The following NAAA variants were observed in gnomAD, a reference collection of about 807,000 sequenced individuals.
The protein encoded by NAAA is N-acylethanolamine-hydrolyzing acid amidase.
A neutral mutation model predicts 44.8 loss-of-function variants in NAAA; 39 were observed. The observed-to-expected ratio is 0.87, with a 90% CI of 0.67 to 1.14. NAAA has a LOEUF of 1.14. Among genes scored for constraint, NAAA ranks in the 50% most tolerant of loss-of-function variants. NAAA has a pLI of 0.00. For missense variants in NAAA, 460 were observed against 467.8 expected (o/e 0.98, Z 0.15); for synonymous variants, 178 against 191.3 (o/e 0.93, Z 0.58).
chr4:75,934,017 G>A (rs113685688), intron 3 of NAAA, among the ~76,000 whole-genome samples: 18,646 of 150,134 alleles, frequency 0.12, 1,592 homozygotes, highest in African/African-American at 0.24. Context: ...GTGATAGAGC[G>A]AGACTCTGTC....
intron 4 of NAAA, among the ~76,000 whole-genome samples, chr4:75,926,777 G>A (rs932962061): frequency 1.3e-5 from 2 of 152,112 alleles, no homozygotes; most frequent in Non-Finnish European, 2.9e-5. Flanking sequence ...GGCCCAGGTG[G>A]GAGGAGTGCT....
At position 75,918,929 on chromosome 4, in the gene NAAA, G is replaced by A. The variant is rs566613671; in HGVS notation, c.970-140C>T. The A allele has an allele frequency of 1.2e-5, 9 of 737,980 alleles. No homozygotes were observed. The South Asian group carries it at 1.3e-4, about 10-fold the overall frequency. The allele number at this position is 737,980 out of a possible 1,614,324, so 45.7% of individuals were successfully genotyped here. On this transcript the variant is annotated intron_variant, in intron 8 of 10. Coordinates refer to ENST00000286733, the MANE Select transcript of NAAA (RefSeq NM_014435.4). Reference sequence around the variant, plus strand: ...AAGCCGACGTGGGAGGATTACTCAAGCCCAGGAGTTCAAGACCAGCCTGGG... The same window carrying A: ...AAGCCGACGTGGGAGGATTACTCAAACCCAGGAGTTCAAGACCAGCCTGGG...
At chr4:75,919,602 T>C (rs10155195) in intron 8 of NAAA, 313,657 of 439,766 alleles carry the variant, frequency 0.71, 114,279 homozygotes, top group African/African-American at 0.94. Context: ...CCTCAGCCTC[T>C]GGAGTAGCTT....
chr4:75,938,731 G>A (rs1400678767), intron 2 of NAAA, among the ~76,000 whole-genome samples: 2 of 152,218 alleles, frequency 1.3e-5, no homozygotes, highest in Admixed American at 1.3e-4. Flanking sequence ...ATTGAAGGAA[G>A]AAACCAAGTC....
At chr4:75,938,669 G>A (rs1727942985) in intron 2 of NAAA, among the ~76,000 whole-genome samples, 1 of 152,130 alleles carries the variant, frequency 6.6e-6, no homozygotes. Context: ...GAAGCTCTAA[G>A]TATGTACAAG....
chr4:75,931,371 G>GC, intron 3 of NAAA, 67 bp from the exon 4 acceptor site: 1 of 1,205,102 alleles, frequency 8.3e-7, no homozygotes, highest in African/African-American at 1.5e-5. Context: ...CACCTGTTCT[G>GC]CCCCACAATT....
downstream of NAAA, among the ~76,000 whole-genome samples, chr4:75,911,513 A>T (rs1044080043): frequency 1.3e-5 from 2 of 152,138 alleles, no homozygotes; most frequent in African/African-American, 4.8e-5. Context: ...CTGGGGGCTA[A>T]GGAAGGGGGT....
In NAAA at chr4:75,921,048, A is replaced by G. The variant is rs1453189979; in HGVS notation, c.742T>C (p.Tyr248His). The G allele has an allele frequency of 6.2e-7, 1 of 1,604,986 alleles. No individual in the cohort carries two copies. Among genetic ancestry groups the G allele is most frequent in the Non-Finnish European group, 8.5e-7 (1 of 1,178,066 alleles). ...AKTPLIADVY[Y>H]IVGGTSPREG... ...CGGGGGGACGTGCCACCAACAATGT[A>G]ATAAACATCAGCAATAAGGGGAGTC... Residue 248 changes from tyrosine to histidine, a missense_variant, in exon 6 of 11, where the codon TAC (tyrosine) becomes CAC (histidine). Tyr to His is a moderately conservative substitution (Grantham distance 83, BLOSUM62 2). Coordinates refer to ENST00000286733, the MANE Select transcript of NAAA (RefSeq NM_014435.4).
In NAAA at chr4:75,914,849, C is replaced by CA; in HGVS notation, c.*36+18dup. ...ACACACCCACCTCACCCCCTCTCCA[C>CA]AAAACAGTAACAACAAACCTTTCAC... On this transcript the variant is annotated intron_variant, in intron 10 of 10. Transcript: ENST00000286733. 1 of 1,591,936 alleles carries CA rather than the reference C, an allele frequency of 6.3e-7. No homozygotes were observed.
chr4:75,928,912 C>A (rs575975692), intron 4 of NAAA, among the ~76,000 whole-genome samples: 1 of 151,788 alleles, frequency 6.6e-6, no homozygotes, highest in African/African-American at 2.4e-5. Context: ...CTCAGCCTCA[C>A]GCCTAGCTGG....
At chr4:75,914,790 A>T in intron 10 of NAAA, 78 bp downstream of exon 10, 3 of 973,540 alleles carry the variant, frequency 3.1e-6, no homozygotes, top group Non-Finnish European at 4.8e-6. Flanking sequence ...TATACATTTT[A>T]AGGATGTTAC....
intron 9 of NAAA, 136 bp from the exon 10 acceptor site, chr4:75,915,121 A>C (rs1394474994): frequency 3.0e-6 from 2 of 661,126 alleles, no homozygotes; most frequent in Admixed American, 4.9e-5. Flanking sequence ...TAAATCTATG[A>C]ATCAAGAGGT....
At chr4:75,918,705 G>T in intron 9 of NAAA, 56 bp downstream of exon 9, 2 of 1,576,604 alleles carry the variant, frequency 1.3e-6, no homozygotes, top group Non-Finnish European at 1.7e-6. Context: ...CAGTACGTGA[G>T]TGAGTTCACT....
chr4:75,940,048 G>T lies in NAAA; in HGVS notation c.324C>A (p.Leu108=), dbSNP rs1382533222. The part of the protein sequence containing the change: ...EIRGMCDFMN[L]SLADCLLVNL... ...TGACCAGAAGGCAGTCCGCCAGGCT[G>T]AGGTTCATGAAGTCACACATGCCGC... Residue 108 remains leucine (L), a synonymous_variant, in exon 2 of 11, where the codon CTC becomes CTA. Transcript: ENST00000286733. 1 of 1,614,124 alleles carries T rather than the reference G, an allele frequency of 6.2e-7. No homozygotes were observed. Among genetic ancestry groups the T allele is most frequent in the African/African-American group, 1.3e-5 (1 of 75,058 alleles).
At chr4:75,932,161 G>A (rs1168336904) in intron 3 of NAAA, among the ~76,000 whole-genome samples, 5 of 152,160 alleles carry the variant, frequency 3.3e-5, no homozygotes, top group Admixed American at 6.5e-5. Flanking sequence ...CCCGGGAGGC[G>A]GAGGTTGCGG....
chr4:75,927,050 A>G (rs1394646665), intron 4 of NAAA, among the ~76,000 whole-genome samples: 1 of 152,182 alleles, frequency 6.6e-6, no homozygotes, highest in Non-Finnish European at 1.5e-5. Flanking sequence ...CATTTCTCCA[A>G]AGAAGATATA....
At chr4:75,925,624 G>T (rs907031790) in intron 5 of NAAA, 111 bp downstream of exon 5, 39 of 978,090 alleles carry the variant, frequency 4.0e-5, no homozygotes, top group Non-Finnish European at 6.2e-5. Flanking sequence ...ACATTTAGAT[G>T]CTTATTCTTT....
At chr4:75,928,771 A>G (rs1021168292) in intron 4 of NAAA, among the ~76,000 whole-genome samples, 6 of 149,494 alleles carry the variant, frequency 4.0e-5, no homozygotes, top group African/African-American at 7.4e-5. Flanking sequence ...CATAGCAGCT[A>G]TTATCATCCC....
In NAAA at chr4:75,935,821, A is replaced by G. The variant is rs1175975896; in HGVS notation, c.498+288T>C. On this transcript the variant is annotated intron_variant, in intron 3 of 10. Coordinates refer to ENST00000286733, the MANE Select transcript of NAAA (RefSeq NM_014435.4). ...CAGCCTGGGCATGGGAAAGCAGAGG[A>G]AAGAGCTGACTCTGCATAAGTGGAT... The G allele has an allele frequency of 6.4e-6, 3 of 471,216 alleles. No individual in the cohort carries two copies. In the East Asian group the frequency reaches 1.1e-4, roughly 17 times the overall value. The allele number at this position is 471,216 out of a possible 1,614,324, so 29.2% of individuals were successfully genotyped here. A position where few individuals can be genotyped will look rare whatever the true frequency, so the allele number is the denominator to read the frequency against.
Sources: gnomAD v4.1 joint callset for allele counts (sites outside exome capture counted in the v4.1 genomes callset) on GRCh38, gnomAD v4.1.1 for gene constraint, MANE v1.5 for transcripts, NCBI Gene and HGNC (gene_info 2026-07-23, HGNC 2026-07-21) for gene names.